Variants in JAM2 observed in about 807,000 individuals in gnomAD.
The protein encoded by JAM2 is junctional adhesion molecule B.
Under a neutral mutation model 42.0 loss-of-function variants are expected in JAM2, and 17 were observed. That is an observed-to-expected ratio of 0.40 (90% CI 0.28 to 0.61). The LOEUF is 0.61. Among genes scored for constraint, JAM2 ranks in the 20% least tolerant of loss-of-function variants. The probability of loss-of-function intolerance (pLI) is 0.37; values close to 1 mark genes in which losing one functional copy is unlikely to be tolerated. For synonymous variants in JAM2, 118 were observed against 128.6 expected (o/e 0.92, Z 0.56); for missense variants, 319 against 358.3 (o/e 0.89, Z 0.89).
chr21:25,676,310 G>GAAAAAAAA (rs57407708), intron 1 of JAM2, among the ~76,000 whole-genome samples: 1 of 121,144 alleles, frequency 8.3e-6, no homozygotes. Flanking sequence ...AAAAGAAAAA[G>GAAAAAAAA]AAAAAAAAAA....
At chr21:25,677,477 G>A (rs916484461) in intron 1 of JAM2, among the ~76,000 whole-genome samples, 1 of 152,084 alleles carries the variant, frequency 6.6e-6, no homozygotes, top group Admixed American at 6.5e-5. Flanking sequence ...TTTCTTAAAG[G>A]AAATTTTAAC....
intron 1 of JAM2, among the ~76,000 whole-genome samples, chr21:25,649,402 G>C (rs2032708000): frequency 6.6e-6 from 1 of 152,112 alleles, no homozygotes; most frequent in Non-Finnish European, 1.5e-5. Flanking sequence ...GAGCAAAAGC[G>C]GGGAAAGCCC....
chr21:25,693,953 C>A, intron 4 of JAM2, 45 bp downstream of exon 4: 1 of 1,590,182 alleles, frequency 6.3e-7, no homozygotes, highest in Non-Finnish European at 8.6e-7. Flanking sequence ...ACTCCTTCTC[C>A]ACCACCCAGC....
At chr21:25,677,979 G>A (rs564262235) in intron 1 of JAM2, among the ~76,000 whole-genome samples, 8 of 152,202 alleles carry the variant, frequency 5.3e-5, no homozygotes, top group South Asian at 2.1e-4. Flanking sequence ...TAGGCCAGGC[G>A]CGGTGGCACT....
chr21:25,671,729 G>A (rs1008259699), intron 1 of JAM2, among the ~76,000 whole-genome samples: 19 of 152,230 alleles, frequency 1.2e-4, no homozygotes, highest in African/African-American at 2.9e-4. Flanking sequence ...GGCTGGTCTC[G>A]AACTCCTGAC....
In JAM2 at chr21:25,715,892, T is replaced by C. The variant is rs1458999276; in HGVS notation, c.*1220T>C. The C allele has an allele frequency of 6.6e-6, 1 of 152,156 alleles. No homozygotes were observed. The highest frequency in any genetic ancestry group is 1.9e-4 in the East Asian group (1 of 5,200). The allele number at this position is 152,156 out of a possible 1,614,324, so 9.4% of individuals were successfully genotyped here. Reference sequence around the variant, plus strand: ...CTGAATTGATATTAAAAACAAAATATGGCTAGGGCATGTCCTATTCTTCTG... The same window carrying C: ...CTGAATTGATATTAAAAACAAAATACGGCTAGGGCATGTCCTATTCTTCTG... On this transcript the variant is annotated 3_prime_UTR_variant, in exon 10 of 10. Transcript: ENST00000480456.
intron 1 of JAM2, among the ~76,000 whole-genome samples, chr21:25,647,953 G>A (rs2032660160): frequency 6.6e-6 from 1 of 152,220 alleles, no homozygotes; most frequent in South Asian, 2.1e-4. Context: ...ACTCACGCCT[G>A]TAATCCCAGC....
chr21:25,642,080 G>C (rs1374262773), intron 1 of JAM2, among the ~76,000 whole-genome samples: 1 of 151,992 alleles, frequency 6.6e-6, no homozygotes, highest in East Asian at 1.9e-4. Flanking sequence ...CTGTTGATGT[G>C]AACCTAGGTC....
intron 1 of JAM2, among the ~76,000 whole-genome samples, chr21:25,668,764 C>A (rs985970097): frequency 7.9e-5 from 12 of 152,152 alleles, no homozygotes; most frequent in Admixed American, 7.2e-4. Flanking sequence ...TGCCAGGAAT[C>A]TGGATCACAT....
intron 4 of JAM2, among the ~76,000 whole-genome samples, chr21:25,695,334 A>G (rs895411357): frequency 6.6e-6 from 1 of 152,182 alleles, no homozygotes; most frequent in Admixed American, 6.5e-5. Flanking sequence ...AGGCAGAAGA[A>G]TTTTTCTTAG....
chr21:25,675,359 G>A lies in JAM2; in HGVS notation c.68-8524G>A, dbSNP rs151115507. Reference sequence around the variant, plus strand: ...ATTAGTACAAAAATTCACAGGACATGGTGGCTCATGCTTGTAGTCCCAGCT... The same window carrying A: ...ATTAGTACAAAAATTCACAGGACATAGTGGCTCATGCTTGTAGTCCCAGCT... On this transcript the variant is annotated intron_variant, in intron 1 of 9. Transcript: ENST00000480456. 1.5e-3 allele frequency among the ~76,000 whole-genome samples: 235 copies of A among 152,124 alleles called. 1 individual carries two copies. Among genetic ancestry groups the A allele is most frequent in the African/African-American group, 5.4e-3 (224 of 41,470 alleles).
chr21:25,709,382 TATC>T, intron 7 of JAM2, 49 bp from the exon 8 acceptor site: 1 of 948,524 alleles, frequency 1.1e-6, no homozygotes, highest in Non-Finnish European at 1.6e-6. Context: ...TATGAATCTG[TATC>T]ATACCATAAT....
At chr21:25,692,896 GT>G (rs2033913570) in intron 3 of JAM2, among the ~76,000 whole-genome samples, 1 of 152,106 alleles carries the variant, frequency 6.6e-6, no homozygotes, top group Admixed American at 6.5e-5. Flanking sequence ...TATTATCCCT[GT>G]TTTATGTGAG....
chr21:25,707,198 T>G (rs1168374584), intron 7 of JAM2, among the ~76,000 whole-genome samples: 2 of 152,146 alleles, frequency 1.3e-5, no homozygotes, highest in Non-Finnish European at 2.9e-5. Flanking sequence ...AGAGAATTGT[T>G]CAGCTGGGTG....
intron 8 of JAM2, chr21:25,711,273 G>A (rs1438771804): frequency 3.2e-6 from 1 of 314,302 alleles, no homozygotes; most frequent in Non-Finnish European, 6.3e-6. Context: ...AAATGGAATT[G>A]TAGGAGTCAT....
intron 1 of JAM2, among the ~76,000 whole-genome samples, chr21:25,658,907 CT>C (rs528052281): frequency 1.5e-3 from 223 of 152,236 alleles, no homozygotes; most frequent in African/African-American, 4.9e-3. Flanking sequence ...GAGTTACTTA[CT>C]CAAAATCCCA....
intron 7 of JAM2, among the ~76,000 whole-genome samples, chr21:25,707,996 C>T (rs1238753029): frequency 6.6e-6 from 1 of 151,880 alleles, no homozygotes; most frequent in African/African-American, 2.4e-5. Context: ...CAGGCACATA[C>T]CACCACACCT....
intron 1 of JAM2, among the ~76,000 whole-genome samples, chr21:25,671,241 T>C (rs1476030681): frequency 6.6e-6 from 1 of 152,190 alleles, no homozygotes; most frequent in East Asian, 1.9e-4. Context: ...AACTCATTAA[T>C]AAGTAGAAGC....
chr21:25,660,913 G>T (rs2033071322), intron 1 of JAM2, among the ~76,000 whole-genome samples: 1 of 144,136 alleles, frequency 6.9e-6, no homozygotes, highest in African/African-American at 2.6e-5. Context: ...TCCTGCCTCA[G>T]CCTCCTGAGT....
Sources: allele counts gnomAD v4.1 joint callset (sites outside exome capture counted in the v4.1 genomes callset), GRCh38; gene constraint gnomAD v4.1.1; transcripts MANE v1.5; gene names NCBI Gene and HGNC (gene_info 2026-07-23, HGNC 2026-07-21).